Variants in ZDHHC2 observed in about 807,000 individuals in gnomAD.
The protein encoded by ZDHHC2 is palmitoyltransferase ZDHHC2.
A neutral mutation model predicts 55.6 loss-of-function variants in ZDHHC2; 51 were observed. The observed-to-expected ratio is 0.92, with a 90% CI of 0.73 to 1.16. The LOEUF is 1.16. Ranked by LOEUF, ZDHHC2 falls within the 50% of genes most tolerant of loss-of-function variation. The pLI is 0.00. For missense variants in ZDHHC2, 491 were observed against 442.4 expected, an observed-to-expected ratio of 1.11 and a Z score of -0.99; for synonymous variants, 199 against 152.9, an observed-to-expected ratio of 1.30 and a Z score of -2.22.
chr8:17,156,958 G>A, intron 1 of ZDHHC2, 105 bp downstream of exon 1: 1 of 1,157,972 alleles, frequency 8.6e-7, no homozygotes, highest in Non-Finnish European at 1.1e-6. Flanking sequence ...ATGCGCCCCG[G>A]GCGCTGCCAA....
chr8:17,205,074 T>G (rs1807032699), intron 6 of ZDHHC2, among the ~76,000 whole-genome samples: 1 of 152,190 alleles, frequency 6.6e-6, no homozygotes, highest in Non-Finnish European at 1.5e-5. Flanking sequence ...TAATCGATGA[T>G]TTCACTTCCT....
At chr8:17,192,842 T>C (rs1177371922) in intron 3 of ZDHHC2, among the ~76,000 whole-genome samples, 1 of 152,234 alleles carries the variant, frequency 6.6e-6, no homozygotes, top group Non-Finnish European at 1.5e-5. Context: ...CATATGGATA[T>C]CTAGTTTCCC....
intron 1 of ZDHHC2, among the ~76,000 whole-genome samples, chr8:17,158,880 G>A (rs1266292027): frequency 6.6e-6 from 1 of 152,204 alleles, no homozygotes; most frequent in Non-Finnish European, 1.5e-5. Flanking sequence ...AAGTGGTCTT[G>A]AATAAACAAA....
intron 1 of ZDHHC2, among the ~76,000 whole-genome samples, chr8:17,173,966 A>G (rs559234894): frequency 6.6e-6 from 1 of 152,280 alleles, no homozygotes; most frequent in African/African-American, 2.4e-5. Flanking sequence ...GGATACAGAG[A>G]GGCATCGAGG....
intron 1 of ZDHHC2, among the ~76,000 whole-genome samples, chr8:17,161,420 G>A (rs1804337294): frequency 6.6e-6 from 1 of 152,200 alleles, no homozygotes; most frequent in East Asian, 1.9e-4. Flanking sequence ...GTTCTATTAA[G>A]TTGATGCAAA....
chr8:17,218,903 G>T (rs1253198004), intron 12 of ZDHHC2, among the ~76,000 whole-genome samples: 2 of 152,050 alleles, frequency 1.3e-5, no homozygotes, highest in Non-Finnish European at 1.5e-5. Context: ...ATTCATTCCA[G>T]TTGTATTTAT....
intron 1 of ZDHHC2, among the ~76,000 whole-genome samples, chr8:17,169,614 A>G (rs1203657118): frequency 6.6e-6 from 1 of 152,202 alleles, no homozygotes; most frequent in Non-Finnish European, 1.5e-5. Context: ...CATGGTGTCA[A>G]TCATGAACTC....
chr8:17,184,071 C>G (rs561768549), intron 1 of ZDHHC2, among the ~76,000 whole-genome samples: 60 of 152,302 alleles, frequency 3.9e-4, no homozygotes, highest in African/African-American at 1.4e-3. Flanking sequence ...CTTCCAAAGA[C>G]TCTAGTACAA....
chr8:17,187,833 C>T (rs969932175), intron 3 of ZDHHC2, among the ~76,000 whole-genome samples: 1 of 152,120 alleles, frequency 6.6e-6, no homozygotes, highest in African/African-American at 2.4e-5. Flanking sequence ...CTTATGTATC[C>T]CCCTGCCAAG....
intron 3 of ZDHHC2, among the ~76,000 whole-genome samples, chr8:17,191,451 T>A (rs7844519): frequency 0.14 from 21,453 of 152,198 alleles, 2,081 homozygotes; most frequent in African/African-American, 0.27. Context: ...TCCCCACTTA[T>A]GTCCAAGTTT....
intron 6 of ZDHHC2, among the ~76,000 whole-genome samples, chr8:17,203,768 T>C (rs946420476): frequency 2.0e-5 from 3 of 151,858 alleles, no homozygotes; most frequent in African/African-American, 4.8e-5. Context: ...TGTAACTGTT[T>C]CCATACAATG....
intron 1 of ZDHHC2, among the ~76,000 whole-genome samples, chr8:17,157,810 C>T (rs1249036760): frequency 6.6e-6 from 1 of 152,076 alleles, no homozygotes; most frequent in South Asian, 2.1e-4. Context: ...TCTGTTTTTG[C>T]CCTACCAAGT....
At position 17,222,041 on chromosome 8, in the gene ZDHHC2, C is replaced by T. The variant is rs1014138676; in HGVS notation, c.*1820C>T. 6.1e-5 allele frequency: 7 copies of T among 115,508 alleles called. No homozygotes were observed. Among genetic ancestry groups the T allele is most frequent in the East Asian group, 2.7e-4 (1 of 3,678 alleles). 7.2% of individuals were successfully genotyped at this position (115,508 alleles called of 1,614,324 possible). A position where few individuals can be genotyped will look rare whatever the true frequency, so the allele number is the denominator to read the frequency against. Reference sequence around the variant, plus strand: ...GTTAGCTGTTTTTGTGGACAGGATTCGATTAAGTATTCCCTCTTGTCAAAC... The same window carrying T: ...GTTAGCTGTTTTTGTGGACAGGATTTGATTAAGTATTCCCTCTTGTCAAAC... On this transcript the variant is annotated 3_prime_UTR_variant, in exon 13 of 13. Coordinates refer to ENST00000262096, the MANE Select transcript of ZDHHC2 (RefSeq NM_016353.5).
Position 17,223,677 on chromosome 8 carries a change from C to T in ZDHHC2, c.*3456C>T, listed in dbSNP as rs1808009319. The T allele has an allele frequency of 6.6e-6, 1 of 151,748 alleles. No homozygotes were observed. The highest frequency in any genetic ancestry group is 6.6e-5 in the Admixed American group (1 of 15,200). 9.4% of individuals were successfully genotyped at this position (151,748 alleles called of 1,614,324 possible). On this transcript the variant is annotated 3_prime_UTR_variant, in exon 13 of 13. Coordinates refer to ENST00000262096, the MANE Select transcript of ZDHHC2 (RefSeq NM_016353.5). ...TTATTGCAAGTGTTAGCAATATGAT[C>T]TTGTAACGCCATGAAAAGCATTAAG...
At chr8:17,220,024 G>C (rs1320451139) in intron 12 of ZDHHC2, among the ~76,000 whole-genome samples, 1 of 61,488 alleles carries the variant, frequency 1.6e-5, no homozygotes, top group Non-Finnish European at 3.4e-5. Context: ...TACTGAATCA[G>C]AGTCTGCAAT....
At chr8:17,196,774 C>T (rs987530874) in intron 4 of ZDHHC2, among the ~76,000 whole-genome samples, 4 of 151,698 alleles carry the variant, frequency 2.6e-5, no homozygotes, top group African/African-American at 9.7e-5. Flanking sequence ...GGCGTGGTGG[C>T]GCATGCCTGT....
At chr8:17,178,354 T>C (rs1300576229) in intron 1 of ZDHHC2, among the ~76,000 whole-genome samples, 3 of 152,184 alleles carry the variant, frequency 2.0e-5, no homozygotes, top group Non-Finnish European at 1.5e-5. Context: ...TAAATTAATA[T>C]ATATAAATCA....
At chr8:17,179,554 C>G (rs1278834489) in intron 1 of ZDHHC2, among the ~76,000 whole-genome samples, 1 of 152,054 alleles carries the variant, frequency 6.6e-6, no homozygotes, top group Non-Finnish European at 1.5e-5. Flanking sequence ...GGACCACAGG[C>G]AGTGCCACCA....
intron 6 of ZDHHC2, among the ~76,000 whole-genome samples, chr8:17,199,531 T>TC (rs1806555717): frequency 4.3e-5 from 1 of 23,150 alleles, no homozygotes; most frequent in African/African-American, 7.2e-5. Flanking sequence ...GTCTTCGTCT[T>TC]CTGTCTTCGT....
Sources: gnomAD v4.1 joint callset for allele counts (sites outside exome capture counted in the v4.1 genomes callset) on GRCh38, gnomAD v4.1.1 for gene constraint, MANE v1.5 for transcripts, NCBI Gene and HGNC (gene_info 2026-07-23, HGNC 2026-07-21) for gene names.